COMMD7: variants seen among roughly 807,000 people sequenced by gnomAD.
The protein encoded by COMMD7 is COMM domain containing 7, also known as COMM domain-containing protein 7.
COMMD7 carries 28 observed loss-of-function variants against 34.8 expected under a neutral mutation model. The ratio of observed to expected loss-of-function variants is 0.80; its 90% CI spans 0.60 to 1.10. COMMD7 has a LOEUF of 1.10. Among genes scored for constraint, COMMD7 ranks in the 50% least tolerant of loss-of-function variants. The probability of loss-of-function intolerance (pLI) is 0.00; values close to 1 mark genes in which losing one functional copy is unlikely to be tolerated. For synonymous variants in COMMD7, 80 were observed against 86.4 expected (o/e 0.93, Z 0.41); for missense variants, 211 against 241.6 (o/e 0.87, Z 0.84).
intron 3 of COMMD7, 109 bp downstream of exon 3, chr20:32,727,784 T>G: frequency 1.1e-6 from 1 of 882,720 alleles, no homozygotes; most frequent in Non-Finnish European, 1.9e-6. Flanking sequence ...GTCTGGCTCA[T>G]TACCAAACGC....
intron 1 of COMMD7, among the ~76,000 whole-genome samples, chr20:32,734,104 C>G (rs1407410165): frequency 6.6e-6 from 1 of 150,740 alleles, no homozygotes; most frequent in Admixed American, 6.7e-5. Context: ...TGGTGTGAAC[C>G]TGGAAGGCAG....
intron 1 of COMMD7, among the ~76,000 whole-genome samples, chr20:32,733,398 T>C (rs1288936671): frequency 6.6e-6 from 1 of 151,454 alleles, no homozygotes; most frequent in Non-Finnish European, 1.5e-5. Flanking sequence ...CTGGCCAACT[T>C]AGCCAAACAA....
At chr20:32,721,571 T>C (rs2145746469) in intron 3 of COMMD7, among the ~76,000 whole-genome samples, 1 of 145,338 alleles carries the variant, frequency 6.9e-6, no homozygotes, top group South Asian at 2.2e-4. Context: ...ATGGCAAAAC[T>C]CCATCTCTAC....
chr20:32,728,470 G>A (rs948562159), intron 1 of COMMD7, among the ~76,000 whole-genome samples: 13 of 142,302 alleles, frequency 9.1e-5, no homozygotes, highest in Admixed American at 8.3e-4. Context: ...ACACACACAC[G>A]CACGCACAAG....
At position 32,722,246 on chromosome 20, in the gene COMMD7, GAAAAAAAAA is replaced by G. The variant is rs747223357; in HGVS notation, c.241+5638_241+5646del. 5.4e-5 allele frequency among the ~76,000 whole-genome samples: 2 copies of G among 37,018 alleles called. 1 individual carries two copies. The highest frequency in any genetic ancestry group is 3.6e-3 in the South Asian group (2 of 554). 24.3% of individuals were successfully genotyped at this position (37,018 alleles called of 152,430 possible). ...GGTGACAAGAGCAAAACTCTGTCTC[GAAAAAAAAA>G]AAAAAAAAAAAAAGGATACAGTGTG... On this transcript the variant is annotated intron_variant, in intron 3 of 8. Transcript: ENST00000278980.
intron 7 of COMMD7, 94 bp from the exon 8 acceptor site, chr20:32,704,165 G>A (rs185356127): frequency 1.9e-6 from 2 of 1,071,446 alleles, no homozygotes; most frequent in Admixed American, 5.1e-5. Flanking sequence ...CTTCCAACCT[G>A]AGAGTCATAC....
intron 1 of COMMD7, among the ~76,000 whole-genome samples, chr20:32,733,220 A>C (rs890924666): frequency 6.6e-6 from 1 of 152,162 alleles, no homozygotes. Context: ...ATCTCAAAAA[A>C]AAAGAATGCA....
At chr20:32,742,981 G>A (rs752134546) in intron 1 of COMMD7, among the ~76,000 whole-genome samples, 1 of 151,708 alleles carries the variant, frequency 6.6e-6, no homozygotes, top group Non-Finnish European at 1.5e-5. Context: ...ACTCCCCTCC[G>A]TCCCTCTTCT....
intron 1 of COMMD7, among the ~76,000 whole-genome samples, chr20:32,730,003 ACT>A (rs1197043323): frequency 6.6e-6 from 1 of 151,698 alleles, no homozygotes; most frequent in Non-Finnish European, 1.5e-5. Context: ...ACAGATTGAG[ACT>A]CTGTCTCAAA....
chr20:32,725,194 G>A (rs965442431), intron 3 of COMMD7, among the ~76,000 whole-genome samples: 1 of 151,896 alleles, frequency 6.6e-6, no homozygotes, highest in African/African-American at 2.4e-5. Flanking sequence ...TGAAGGTGAT[G>A]TGGAAAGAGC....
At chr20:32,703,868 G>A in intron 8 of COMMD7, 155 bp downstream of exon 8, 1 of 1,549,354 alleles carries the variant, frequency 6.5e-7, no homozygotes, top group Non-Finnish European at 8.7e-7. Context: ...CACTCCTTGT[G>A]CCATCTTTCA....
At chr20:32,743,240 C>A in intron 1 of COMMD7, 68 bp downstream of exon 1, 1 of 810,200 alleles carries the variant, frequency 1.2e-6, no homozygotes. Context: ...CCGGACGTCC[C>A]CCCCACCCCA....
intron 3 of COMMD7, among the ~76,000 whole-genome samples, chr20:32,722,077 A>G (rs961865488): frequency 6.6e-6 from 1 of 151,016 alleles, no homozygotes; most frequent in Non-Finnish European, 1.5e-5. Flanking sequence ...AATAAAAATA[A>G]AAATACAACT....
intron 8 of COMMD7, 103 bp downstream of exon 8, chr20:32,703,920 T>A (rs371617488): frequency 6.3e-7 from 1 of 1,587,846 alleles, no homozygotes; most frequent in Non-Finnish European, 8.6e-7. Flanking sequence ...CAGCTGGCAA[T>A]GACTGTTTTT....
intron 3 of COMMD7, among the ~76,000 whole-genome samples, chr20:32,711,712 TTC>T (rs910838012): frequency 2.0e-5 from 3 of 152,080 alleles, no homozygotes; most frequent in African/African-American, 7.2e-5. Flanking sequence ...AGCTCTTAAC[TTC>T]TTTTTCAGCT....
intron 1 of COMMD7, among the ~76,000 whole-genome samples, chr20:32,734,404 G>A (rs1342681400): frequency 4.0e-5 from 6 of 148,282 alleles, no homozygotes; most frequent in African/African-American, 1.2e-4. Context: ...CCCGGGAGGT[G>A]GAGGTTGCAG....
intron 5 of COMMD7, 81 bp downstream of exon 5, chr20:32,706,502 G>A (rs1357781147): frequency 1.1e-5 from 12 of 1,136,798 alleles, no homozygotes; most frequent in South Asian, 6.8e-5. Flanking sequence ...GACAGAATGC[G>A]ACTCCATCTC....
intron 1 of COMMD7, among the ~76,000 whole-genome samples, chr20:32,737,364 C>T (rs1294456585): frequency 4.8e-4 from 9 of 18,574 alleles, no homozygotes; most frequent in South Asian, 2.2e-3. Context: ...AGCAAGACTC[C>T]GTCTCAAAAA....
chr20:32,728,099 T>C lies in COMMD7; in HGVS notation c.128A>G (p.Glu43Gly). The C allele has an allele frequency of 1.9e-6, 3 of 1,614,084 alleles. No individual in the cohort carries two copies. The highest frequency in any genetic ancestry group is 2.5e-6 in the Non-Finnish European group (3 of 1,180,018). The change falls in exon 2 of 9, where the codon GAG becomes GGG. Residue 43 changes from glutamate (E) to glycine (G), a missense_variant. By Grantham distance (98) the Glu-to-Gly change is moderately conservative (BLOSUM62 -2). Coordinates refer to ENST00000278980, the MANE Select transcript of COMMD7 (RefSeq NM_053041.3). ...GAATGTTTTATTTACCTCTTTTGGC[T>C]CAGTTAGGAAGTGGAAAAGCACCTC... ...LTEVLFHFLT[E>G]PKEVERFLAQ...
Sources: gnomAD v4.1 joint callset for allele counts (sites outside exome capture counted in the v4.1 genomes callset) on GRCh38, gnomAD v4.1.1 for gene constraint, MANE v1.5 for transcripts, NCBI Gene and HGNC (gene_info 2026-07-23, HGNC 2026-07-21) for gene names.